ABCB11: variants seen among roughly 807,000 people sequenced by gnomAD.
ABCB11 encodes bile salt export pump.
In ABCB11, 95 loss-of-function variants were observed where a neutral mutation model predicts 148.0. That is an observed-to-expected ratio of 0.64 (90% CI 0.54 to 0.76). The LOEUF is 0.76. Among genes scored for constraint, ABCB11 ranks in the 30% least tolerant of loss-of-function variants. ABCB11 has a pLI of 0.00. For synonymous variants in ABCB11, 591 were observed against 555.4 expected, an observed-to-expected ratio of 1.06 and a Z score of -0.90; for missense variants, 1,523 against 1,617.8, an observed-to-expected ratio of 0.94 and a Z score of 1.01.
chr2:169,017,991 C>G, intron 2 of ABCB11, 59 bp downstream of exon 2: 1 of 1,425,520 alleles, frequency 7.0e-7, no homozygotes, highest in Non-Finnish European at 9.9e-7. Context: ...ACCAGCTTGT[C>G]CTACTTTTGT....
intron 7 of ABCB11, among the ~76,000 whole-genome samples, chr2:168,995,022 TAATGACCTA>T (rs1694668585): frequency 6.6e-6 from 1 of 152,048 alleles, no homozygotes; most frequent in Non-Finnish European, 1.5e-5. Flanking sequence ...GGGTGGCTGT[TAATGACCTA>T]AACTAGGTGT....
intron 21 of ABCB11, among the ~76,000 whole-genome samples, chr2:168,937,434 A>G (rs1013522329): frequency 6.6e-6 from 1 of 152,208 alleles, no homozygotes; most frequent in Admixed American, 6.5e-5. Flanking sequence ...TTAAATGATT[A>G]AGTTCTTTTA....
At chr2:168,991,005 A>G in intron 8 of ABCB11, 80 bp from the exon 9 acceptor site, 1 of 1,484,270 alleles carries the variant, frequency 6.7e-7, no homozygotes, top group East Asian at 2.3e-5. Context: ...TTCATTTAAC[A>G]TGTGGCATGG....
At chr2:168,932,649 T>C (rs1366625462) in intron 23 of ABCB11, 116 bp from the exon 24 acceptor site, 1 of 1,266,648 alleles carries the variant, frequency 7.9e-7, no homozygotes, top group South Asian at 1.5e-5. Flanking sequence ...CAAATATCCT[T>C]GAGCAAGTCA....
chr2:168,930,976 C>T, intron 24 of ABCB11, 114 bp from the exon 25 acceptor site: 1 of 894,228 alleles, frequency 1.1e-6, no homozygotes, highest in Non-Finnish European at 1.7e-6. Flanking sequence ...AACCATGCTG[C>T]CAAAGTGCAA....
At chr2:169,003,889 A>G (rs1328529570) in intron 5 of ABCB11, among the ~76,000 whole-genome samples, 2 of 152,172 alleles carry the variant, frequency 1.3e-5, no homozygotes, top group African/African-American at 4.8e-5. Context: ...GGAAAAGACT[A>G]TATCTTTCCT....
chr2:168,966,565 A>G (rs1322025465), intron 17 of ABCB11, among the ~76,000 whole-genome samples: 1 of 151,892 alleles, frequency 6.6e-6, no homozygotes, highest in African/African-American at 2.4e-5. Context: ...ACTGCAAATA[A>G]AAACAACTAA....
At chr2:169,012,069 C>A (rs1573976380) in intron 5 of ABCB11, among the ~76,000 whole-genome samples, 1 of 151,818 alleles carries the variant, frequency 6.6e-6, no homozygotes, top group East Asian at 1.9e-4. Context: ...AATGAAAGAC[C>A]CTAAGAGAGA....
chr2:168,953,245 C>T (rs1168222740), intron 19 of ABCB11, among the ~76,000 whole-genome samples: 1 of 151,394 alleles, frequency 6.6e-6, no homozygotes, highest in African/African-American at 2.4e-5. Context: ...AGTTTATGTC[C>T]AATGTTTGTT....
At chr2:168,964,909 T>C (rs1693233369) in intron 17 of ABCB11, among the ~76,000 whole-genome samples, 1 of 151,852 alleles carries the variant, frequency 6.6e-6, no homozygotes, top group Non-Finnish European at 1.5e-5. Flanking sequence ...TTATTGGGCA[T>C]CTACAACTTA....
rs977627728 is a variant in ABCB11, at chr2:168,995,401, T to C, written c.559A>G (p.Ile187Val). Residue 187 changes from isoleucine to valine, a missense_variant, in exon 7 of 28, where the codon ATA becomes GTA. By Grantham distance (29) the Ile-to-Val change is conservative. Transcript: ENST00000650372. ...FYFRRIMRMEIGWFDCNSVGE... is the reference protein window; with the variant it reads ...FYFRRIMRMEVGWFDCNSVGE... ...ACTGAATTGCAGTCAAACCACCCTA[T>C]TTCCATTCTCATTATTCTCCTAAAG... 4 of 1,612,396 alleles carry C rather than the reference T, an allele frequency of 2.5e-6. No homozygotes were observed. In the African/African-American group the frequency reaches 4.0e-5, roughly 16 times the overall value.
intron 18 of ABCB11, among the ~76,000 whole-genome samples, chr2:168,960,692 T>C (rs984203736): frequency 6.6e-6 from 1 of 151,700 alleles, no homozygotes; most frequent in African/African-American, 2.4e-5. Flanking sequence ...CCAGCTTGAA[T>C]GATGCAAAAA....
rs1321581104 is a variant in ABCB11 at position 168,923,507 on chromosome 2, A to G, written c.*115T>C. ...ATGACTGTAAAAGTAAAATATTAAC[A>G]TTCTTCTTTAAAGAAAAAACAATCC... is the stretch of plus-strand genomic sequence containing the variant. On this transcript the variant is annotated 3_prime_UTR_variant, in exon 28 of 28. Coordinates refer to ENST00000650372, the MANE Select transcript of ABCB11 (RefSeq NM_003742.4). 1.1e-5 allele frequency: 10 copies of G among 924,138 alleles called. No individual in the cohort carries two copies. In the East Asian group the frequency reaches 2.1e-4, roughly 19 times the overall value. 57.2% of individuals were successfully genotyped at this position (924,138 alleles called of 1,614,324 possible).
chr2:168,953,789 C>T (rs1692669556), intron 19 of ABCB11, among the ~76,000 whole-genome samples: 1 of 151,594 alleles, frequency 6.6e-6, no homozygotes. Context: ...TTCAAAGTCA[C>T]CCCTTTGCTC....
intron 22 of ABCB11, among the ~76,000 whole-genome samples, chr2:168,935,936 A>AT (rs1344769085): frequency 6.6e-6 from 1 of 152,204 alleles, no homozygotes; most frequent in Non-Finnish European, 1.5e-5. Flanking sequence ...ACCCCTGCAA[A>AT]TGAGAGTACA....
Position 169,031,257 on chromosome 2 carries a change from A to G in ABCB11, c.-60T>C, listed in dbSNP as rs1695860461. Reference sequence around the variant, plus strand: ...TATGAATTTGAGGAAGCCAGAGGAAATAATGGACTCCACTGTGGAGAGTTA... The same window carrying G: ...TATGAATTTGAGGAAGCCAGAGGAAGTAATGGACTCCACTGTGGAGAGTTA... On this transcript the variant is annotated 5_prime_UTR_variant, in exon 1 of 28. Transcript: ENST00000650372. 6.6e-6 allele frequency: 1 copy of G among 152,230 alleles called. No individual in the cohort carries two copies. Among genetic ancestry groups the G allele is most frequent in the African/African-American group, 2.4e-5 (1 of 41,462 alleles). The allele number at this position is 152,230 out of a possible 1,614,324, so 9.4% of individuals were successfully genotyped here.
intron 21 of ABCB11, 112 bp from the exon 22 acceptor site, chr2:168,936,545 A>G: frequency 1.1e-6 from 1 of 909,042 alleles, no homozygotes; most frequent in Non-Finnish European, 1.7e-6. Context: ...ATACATAACA[A>G]TATATATCAT....
At chr2:168,916,449 A>C (rs1316169405), downstream of ABCB11, among the ~76,000 whole-genome samples, 3 of 152,248 alleles carry the variant, frequency 2.0e-5, no homozygotes, top group East Asian at 3.8e-4. Flanking sequence ...GCCACATGCC[A>C]ATCACGAGTA....
chr2:168,960,237 T>C (rs1265752361), intron 18 of ABCB11, among the ~76,000 whole-genome samples: 1 of 151,678 alleles, frequency 6.6e-6, no homozygotes, highest in Non-Finnish European at 1.5e-5. Context: ...GTAACCAAAG[T>C]TCAGTATGTG....
Sources: allele counts gnomAD v4.1 joint callset (sites outside exome capture counted in the v4.1 genomes callset), GRCh38; gene constraint gnomAD v4.1.1; transcripts MANE v1.5; gene names NCBI Gene and HGNC (gene_info 2026-07-23, HGNC 2026-07-21).